VGLL3: variants seen among roughly 807,000 people sequenced by gnomAD.
VGLL3 encodes the protein vestigial like family member 3, also known as transcription cofactor vestigial-like protein 3.
VGLL3 carries 18 observed loss-of-function variants against 29.2 expected under a neutral mutation model. That is an observed-to-expected ratio of 0.62 (90% CI 0.43 to 0.91). The LOEUF (loss-of-function observed/expected upper bound fraction) is 0.91, where lower values mean the gene tolerates loss of function less well. Among genes scored for constraint, VGLL3 ranks in the 40% least tolerant of loss-of-function variants. The probability of loss-of-function intolerance (pLI) is 0.00; values close to 1 mark genes in which losing one functional copy is unlikely to be tolerated. For missense variants in VGLL3, 440 were observed against 413.2 expected (o/e 1.06, Z -0.56); for synonymous variants, 180 against 151.8 (o/e 1.19, Z -1.36).
chr3:86,990,639 C>A lies in VGLL3; in HGVS notation c.105G>T (p.Pro35=). The A allele has an allele frequency of 2.9e-6, 4 of 1,371,112 alleles. No individual in the cohort carries two copies. The highest frequency in any genetic ancestry group is 3.8e-6 in the Non-Finnish European group (4 of 1,054,256). 84.9% of individuals were successfully genotyped at this position (1,371,112 alleles called of 1,614,324 possible). A position where few individuals can be genotyped will look rare whatever the true frequency, so the allele number is the denominator to read the frequency against. Residue 35 remains proline, a synonymous_variant, in exon 1 of 4, where the codon CCG becomes CCT. Transcript: ENST00000398399. ...ATTCPTAYYQ[P]APQPGQQKKL... ...TCACCTGCTGGCCAGGTTGGGGCGC[C>A]GGCTGATAGTAGGCTGTGGGGCAGG...
chr3:86,963,573 T>G (rs1251546376), intron 3 of VGLL3, among the ~76,000 whole-genome samples: 1 of 152,214 alleles, frequency 6.6e-6, no homozygotes, highest in East Asian at 1.9e-4. Context: ...GTGAAGCATA[T>G]GCTATTGTGA....
chr3:86,975,703 G>A (rs1331227574), intron 2 of VGLL3, among the ~76,000 whole-genome samples: 1 of 152,142 alleles, frequency 6.6e-6, no homozygotes. Flanking sequence ...CAGAAAAAAT[G>A]AGGCACCATA....
rs1304685853 is a variant in VGLL3 at position 86,945,647 on chromosome 3, T to C, written c.*1377A>G. On this transcript the variant is annotated 3_prime_UTR_variant, in exon 4 of 4. Transcript: ENST00000398399. ...TTAGATCCTGAGAGCTATATCAAGT[T>C]AAATCCTCAAATTTTTAATTTTTAG... 6.6e-6 allele frequency: 1 copy of C among 152,192 alleles called. No individual in the cohort carries two copies. Among genetic ancestry groups the C allele is most frequent in the Non-Finnish European group, 1.5e-5 (1 of 68,016 alleles). The allele number at this position is 152,192 out of a possible 1,614,324, so 9.4% of individuals were successfully genotyped here.
chr3:86,975,575 C>T (rs1319856534), intron 2 of VGLL3, among the ~76,000 whole-genome samples: 2 of 152,030 alleles, frequency 1.3e-5, no homozygotes, highest in African/African-American at 2.4e-5. Context: ...CTATTAAAGA[C>T]TCTTGTTTTC....
intron 3 of VGLL3, among the ~76,000 whole-genome samples, chr3:86,954,795 G>A (rs528731315): frequency 5.9e-5 from 9 of 151,808 alleles, no homozygotes; most frequent in East Asian, 1.9e-4. Flanking sequence ...CTTTGAAGCC[G>A]GAGACAAAGA....
chr3:86,962,249 T>C lies in VGLL3; in HGVS notation c.937+6341A>G, dbSNP rs1245879817. On this transcript the variant is annotated intron_variant, in intron 3 of 3. Coordinates refer to ENST00000398399, the MANE Select transcript of VGLL3 (RefSeq NM_016206.4). ...TCAAGGTACCTGTATGTAATACCTG[T>C]TCAACAGAGGGAGCAAAAAGTAAGA... 9.1e-6 allele frequency: 9 copies of C among 985,414 alleles called. No individual in the cohort carries two copies. The East Asian group carries it at 6.8e-4, about 75-fold the overall frequency. The allele number at this position is 985,414 out of a possible 1,614,324, so 61.0% of individuals were successfully genotyped here.
chr3:86,943,971 A>G lies in VGLL3; in HGVS notation c.*3053T>C, dbSNP rs1350963152. ...TGGAGTGGTTTTAATAAAATTGTGGAGGCAGATAGTAGCCCTCAATAAAAC... is the reference window on the plus strand; with the variant it reads ...TGGAGTGGTTTTAATAAAATTGTGGGGGCAGATAGTAGCCCTCAATAAAAC... On this transcript the variant is annotated 3_prime_UTR_variant, in exon 4 of 4. Transcript: ENST00000398399. 6.6e-6 allele frequency: 1 copy of G among 152,174 alleles called. No individual in the cohort carries two copies. 9.4% of individuals were successfully genotyped at this position (152,174 alleles called of 1,614,324 possible).
At chr3:86,975,350 A>G (rs1451056848) in intron 2 of VGLL3, among the ~76,000 whole-genome samples, 4 of 152,198 alleles carry the variant, frequency 2.6e-5, no homozygotes, top group Non-Finnish European at 5.9e-5. Context: ...TTTCCTATAA[A>G]TCCTACACAA....
At chr3:86,961,473 G>GTTCT (rs1704841690) in intron 3 of VGLL3, among the ~76,000 whole-genome samples, 1 of 152,022 alleles carries the variant, frequency 6.6e-6, no homozygotes, top group Non-Finnish European at 1.5e-5. Flanking sequence ...CACTAAAAGA[G>GTTCT]GACTACTATG....
Position 86,939,636 on chromosome 3 carries a change from CAAAACAAAACAAA to C in VGLL3, c.*7375_*7387del, listed in dbSNP as rs1178429385. The C allele has an allele frequency of 6.5e-6, 1 of 152,832 alleles. No homozygotes were observed. The highest frequency in any genetic ancestry group is 2.4e-5 in the African/African-American group (1 of 41,378). The allele number at this position is 152,832 out of a possible 1,614,324, so 9.5% of individuals were successfully genotyped here. On this transcript the variant is annotated 3_prime_UTR_variant, in exon 4 of 4. Transcript: ENST00000398399. The stretch of plus-strand genomic sequence containing the variant: ...AAGACTCCATCAAAACAAAACAAAA[CAAAACAAAACAAA>C]AAAACAAAACAGAACAAAAACCTTG...
chr3:86,983,233 C>T (rs1705366467), intron 1 of VGLL3, among the ~76,000 whole-genome samples: 1 of 152,174 alleles, frequency 6.6e-6, no homozygotes, highest in South Asian at 2.1e-4. Context: ...AAAATAAAAT[C>T]TACTGGCTAT....
intron 1 of VGLL3, among the ~76,000 whole-genome samples, chr3:86,982,047 C>T (rs144646534): frequency 4.5e-4 from 69 of 152,326 alleles, no homozygotes; most frequent in African/African-American, 1.4e-3. Context: ...CAAATGCTGC[C>T]TTTCATCCCA....
chr3:86,962,198 C>G, intron 3 of VGLL3: 1 of 985,380 alleles, frequency 1.0e-6, no homozygotes, highest in Non-Finnish European at 1.2e-6. Context: ...ATACAAATGA[C>G]TTATGATCAT....
Position 86,968,625 on chromosome 3 carries a change from G to C in VGLL3, c.902C>G (p.Thr301Arg). The C allele has an allele frequency of 6.2e-7, 1 of 1,614,154 alleles. No individual in the cohort carries two copies. The highest frequency in any genetic ancestry group is 8.5e-7 in the Non-Finnish European group (1 of 1,180,048). The change falls in exon 3 of 4, where the codon ACA (threonine) becomes AGA (arginine). Residue 301 changes from threonine to arginine, a missense_variant. Physicochemically the swap from Thr to Arg is moderately conservative, Grantham distance 71. Coordinates refer to ENST00000398399, the MANE Select transcript of VGLL3 (RefSeq NM_016206.4). The part of the protein sequence containing the change: ...TSAWAGAFHG[T>R]VDIVPSVGFD... Reference sequence around the variant, plus strand: ...TCCCACGCTGGGCACTATGTCTACTGTTCCATGAAAGGCTCCAGCCCATGC... The same window carrying C: ...TCCCACGCTGGGCACTATGTCTACTCTTCCATGAAAGGCTCCAGCCCATGC...
chr3:86,956,389 A>T (rs1704722743), intron 3 of VGLL3, among the ~76,000 whole-genome samples: 1 of 152,166 alleles, frequency 6.6e-6, no homozygotes, highest in Non-Finnish European at 1.5e-5. Context: ...GACAAGTTTT[A>T]CTTTGAAAAA....
chr3:86,978,588 A>G lies in VGLL3; in HGVS notation c.341T>C (p.Ile114Thr). ...EHFSRALGQA[I>T]TLHPESAISK... ...AATGGCAGATTCTGGATGGAGGGTG[A>G]TGGCTTGGCCCAAAGCTCTTGAGAA... Residue 114 changes from isoleucine (I) to threonine (T), a missense_variant, in exon 2 of 4, where the codon ATC becomes ACC. Ile to Thr is a moderately conservative substitution (Grantham distance 89). Transcript: ENST00000398399. 1 of 1,614,154 alleles carries G rather than the reference A, an allele frequency of 6.2e-7. No individual in the cohort carries two copies. Among genetic ancestry groups the G allele is most frequent in the Non-Finnish European group, 8.5e-7 (1 of 1,180,012 alleles).
chr3:86,974,371 C>T (rs1242987500), intron 2 of VGLL3, among the ~76,000 whole-genome samples: 1 of 151,942 alleles, frequency 6.6e-6, no homozygotes, highest in Non-Finnish European at 1.5e-5. Context: ...TGCCCGGCCG[C>T]GGCCTCCCAA....
chr3:86,948,206 A>C (rs1400462284), intron 3 of VGLL3, among the ~76,000 whole-genome samples: 2 of 152,192 alleles, frequency 1.3e-5, no homozygotes, highest in Non-Finnish European at 2.9e-5. Context: ...CATGAAGCAA[A>C]ACTCTTTAAA....
chr3:86,962,841 CCAGCCTTCACTATTCAAA>C, intron 3 of VGLL3: 1 of 148,458 alleles, frequency 6.7e-6, no homozygotes, highest in South Asian at 1.6e-4. Flanking sequence ...AATAGGGAAG[CCAGCCTTCACTATTCAAA>C]ATAGGGAAGC....
Sources: gnomAD v4.1 joint callset for allele counts (sites outside exome capture counted in the v4.1 genomes callset) on GRCh38, gnomAD v4.1.1 for gene constraint, MANE v1.5 for transcripts, NCBI Gene and HGNC (gene_info 2026-07-23, HGNC 2026-07-21) for gene names.